The following DYM variants were observed in gnomAD, a reference collection of about 807,000 sequenced individuals.
DYM encodes the protein dymeclin.
Under a neutral mutation model 93.1 loss-of-function variants are expected in DYM, and 78 were observed. The observed-to-expected ratio is 0.84, with a 90% CI of 0.70 to 1.01. DYM has a LOEUF of 1.01. Among genes scored for constraint, DYM ranks in the 50% least tolerant of loss-of-function variants. DYM has a pLI of 0.00. For missense variants in DYM, 789 were observed against 845.0 expected, an observed-to-expected ratio of 0.93 and a Z score of 0.82; for synonymous variants, 321 against 319.7, an observed-to-expected ratio of 1.00 and a Z score of -0.04.
chr18:49,377,011 T>C (rs1219410504), intron 5 of DYM, among the ~76,000 whole-genome samples: 1 of 152,142 alleles, frequency 6.6e-6, no homozygotes, highest in African/African-American at 2.4e-5. Flanking sequence ...CATCAGGTAA[T>C]GGGGTCTCAG....
At chr18:49,202,360 C>A (rs558130994) in intron 14 of DYM, among the ~76,000 whole-genome samples, 1 of 151,916 alleles carries the variant, frequency 6.6e-6, no homozygotes, top group East Asian at 1.9e-4. Context: ...CACCTCCCAG[C>A]CGCCTGCCTT....
rs142926004 is a variant in DYM, at chr18:49,393,027, AAGG to A, written c.141-1385_141-1383del. Reference sequence around the variant, plus strand: ...AAAAAAGAAGAAGAAGAAGAGGAAGAAGGAGGAGGAGGAGGAGGAGGAGGGGAG... The same window carrying A: ...AAAAAAGAAGAAGAAGAAGAGGAAGAAGGAGGAGGAGGAGGAGGAGGGGAG... On this transcript the variant is annotated intron_variant, in intron 2 of 17. Coordinates refer to ENST00000675505, the MANE Select transcript of DYM (RefSeq NM_001353214.3). 7.1e-3 allele frequency among the ~76,000 whole-genome samples: 387 copies of A among 54,734 alleles called. 24 individuals carry two copies. Among genetic ancestry groups the A allele is most frequent in the African/African-American group, 0.019 (345 of 18,200 alleles). 35.9% of individuals were successfully genotyped at this position (54,734 alleles called of 152,430 possible). A position where few individuals can be genotyped will look rare whatever the true frequency, so the allele number is the denominator to read the frequency against.
chr18:49,297,784 A>G (rs1243491560), intron 8 of DYM, among the ~76,000 whole-genome samples: 1 of 152,104 alleles, frequency 6.6e-6, no homozygotes, highest in Admixed American at 6.5e-5. Flanking sequence ...TAGAACAACA[A>G]TGTTTCCTAA....
intron 17 of DYM, among the ~76,000 whole-genome samples, chr18:49,078,394 T>A (rs999208423): frequency 7.9e-5 from 12 of 151,596 alleles, no homozygotes; most frequent in Non-Finnish European, 8.8e-5. Flanking sequence ...AATTAAAATA[T>A]ATATATATAT....
intron 2 of DYM, among the ~76,000 whole-genome samples, chr18:49,429,630 T>C (rs1177496644): frequency 6.6e-6 from 1 of 152,188 alleles, no homozygotes; most frequent in African/African-American, 2.4e-5. Flanking sequence ...TTGCTACAAC[T>C]TCCATGGTGC....
intron 2 of DYM, among the ~76,000 whole-genome samples, chr18:49,397,903 C>T (rs2070308218): frequency 6.6e-6 from 1 of 152,042 alleles, no homozygotes; most frequent in Admixed American, 6.6e-5. Flanking sequence ...TTTCATTTTA[C>T]TTTTTCAATG....
intron 14 of DYM, among the ~76,000 whole-genome samples, chr18:49,192,792 T>G (rs1010252249): frequency 3.3e-5 from 5 of 152,196 alleles, no homozygotes; most frequent in African/African-American, 1.2e-4. Flanking sequence ...TTTAGGATTA[T>G]TTTTCTATAT....
intron 13 of DYM, among the ~76,000 whole-genome samples, chr18:49,223,040 G>A (rs920155926): frequency 1.3e-5 from 2 of 152,096 alleles, no homozygotes; most frequent in East Asian, 1.9e-4. Flanking sequence ...ACAGGAACAC[G>A]TATTAAGTAT....
chr18:49,057,367 A>G (rs553890746), intron 17 of DYM, among the ~76,000 whole-genome samples: 55 of 152,356 alleles, frequency 3.6e-4, no homozygotes, highest in Non-Finnish European at 3.4e-4. Context: ...TCTCTCGTGG[A>G]CACTGCTCAG....
At chr18:49,165,896 G>A (rs1013804524) in intron 14 of DYM, among the ~76,000 whole-genome samples, 2 of 152,122 alleles carry the variant, frequency 1.3e-5, no homozygotes, top group Middle Eastern at 3.2e-3. Context: ...CTGTGCAAGA[G>A]AGAATAAAAG....
chr18:49,064,019 C>G (rs760831136), intron 17 of DYM, among the ~76,000 whole-genome samples: 13 of 152,148 alleles, frequency 8.5e-5, no homozygotes, highest in Non-Finnish European at 1.6e-4. Context: ...TGAATACAGT[C>G]ATGTATGCAA....
At position 49,383,042 on chromosome 18, in the gene DYM, A is replaced by T. The variant is rs1174650110; in HGVS notation, c.194-3284T>A. On this transcript the variant is annotated intron_variant, in intron 3 of 17. Transcript: ENST00000675505. The stretch of plus-strand genomic sequence containing the variant: ...CAAGATGACCCCACGCAAGGATACA[A>T]TGAACAAAATCTACGTTGTGGGAAA... Among the ~76,000 whole-genome samples the T allele has an allele frequency of 2.0e-5, 3 of 152,222 alleles. No homozygotes were observed. In the South Asian group the frequency reaches 6.2e-4, roughly 32 times the overall value.
chr18:49,385,666 G>A (rs1395469137), intron 3 of DYM, among the ~76,000 whole-genome samples: 1 of 151,716 alleles, frequency 6.6e-6, no homozygotes. Flanking sequence ...TTGCACTCCA[G>A]CCTGGGCAAC....
chr18:49,137,966 G>A (rs1048029619), intron 15 of DYM, among the ~76,000 whole-genome samples: 5 of 152,152 alleles, frequency 3.3e-5, no homozygotes, highest in African/African-American at 1.2e-4. Flanking sequence ...TTTACACTGG[G>A]AGTTAGGTGA....
chr18:49,199,880 A>G (rs1213386638), intron 14 of DYM, among the ~76,000 whole-genome samples: 1 of 152,208 alleles, frequency 6.6e-6, no homozygotes, highest in Non-Finnish European at 1.5e-5. Flanking sequence ...AAAAGACATG[A>G]CAAATGGGTA....
At chr18:49,124,108 C>A (rs1424274130) in intron 15 of DYM, among the ~76,000 whole-genome samples, 1 of 152,154 alleles carries the variant, frequency 6.6e-6, no homozygotes, top group Admixed American at 6.5e-5. Context: ...TTTGCTGAAA[C>A]AAACAGGGTG....
chr18:49,332,073 C>T, intron 7 of DYM, 67 bp from the exon 8 acceptor site: 1 of 1,493,632 alleles, frequency 6.7e-7, no homozygotes, highest in Non-Finnish European at 9.2e-7. Context: ...AATAACAATA[C>T]AGAAATAATT....
At chr18:49,407,679 T>G (rs1439564404) in intron 2 of DYM, among the ~76,000 whole-genome samples, 1 of 152,078 alleles carries the variant, frequency 6.6e-6, no homozygotes, top group Non-Finnish European at 1.5e-5. Context: ...CCCAAACACT[T>G]CTCACCAGGC....
intron 8 of DYM, among the ~76,000 whole-genome samples, chr18:49,306,637 C>T (rs2061293405): frequency 6.6e-6 from 1 of 152,136 alleles, no homozygotes; most frequent in Non-Finnish European, 1.5e-5. Context: ...TTCAAATGTG[C>T]ATATATTTAT....
Sources: gnomAD v4.1 joint callset for allele counts (sites outside exome capture counted in the v4.1 genomes callset) on GRCh38, gnomAD v4.1.1 for gene constraint, MANE v1.5 for transcripts, NCBI Gene and HGNC (gene_info 2026-07-23, HGNC 2026-07-21) for gene names.